SHPK: variants seen among roughly 807,000 people sequenced by gnomAD.
SHPK encodes the protein sedoheptulokinase, also known as carbohydrate kinase-like protein.
In SHPK, 51 loss-of-function variants were observed where a neutral mutation model predicts 46.3. That is an observed-to-expected ratio of 1.10 (90% CI 0.88 to 1.39). The LOEUF (loss-of-function observed/expected upper bound fraction) is 1.39, where lower values mean the gene tolerates loss of function less well. Ranked by LOEUF, SHPK falls within the 40% of genes most tolerant of loss-of-function variation. SHPK has a pLI of 0.00. For synonymous variants in SHPK, 290 were observed against 273.9 expected (o/e 1.06, Z -0.58); for missense variants, 668 against 641.3 (o/e 1.04, Z -0.45).
At chr17:3,622,626 T>G in intron 4 of SHPK, 1 of 982,280 alleles carries the variant, frequency 1.0e-6, no homozygotes, top group South Asian at 4.7e-5. Flanking sequence ...GCACTGGACT[T>G]CTGTACCTGA....
chr17:3,625,985 G>A (rs1020183717), intron 2 of SHPK, among the ~76,000 whole-genome samples: 7 of 152,078 alleles, frequency 4.6e-5, no homozygotes, highest in East Asian at 1.9e-4. Context: ...CCCAGTAGGC[G>A]GAGGTTGCAG....
chr17:3,624,009 G>A (rs370849690), intron 3 of SHPK, 39 bp downstream of exon 3: 118 of 1,565,828 alleles, frequency 7.5e-5, no homozygotes, highest in Middle Eastern at 1.8e-4. Flanking sequence ...TCATTCTCCC[G>A]GAAACCCAGC....
At chr17:3,633,798 T>C (rs992488034) in intron 1 of SHPK, among the ~76,000 whole-genome samples, 16 of 151,996 alleles carry the variant, frequency 1.1e-4, no homozygotes, top group African/African-American at 3.6e-4. Flanking sequence ...TGGGCCATGA[T>C]GACAATGGCG....
rs976017908 is a variant in SHPK at position 3,609,936 on chromosome 17, GC to G, written c.*623del. The G allele has an allele frequency of 2.0e-5, 3 of 152,838 alleles. No individual in the cohort carries two copies. Among genetic ancestry groups the G allele is most frequent in the African/African-American group, 7.2e-5 (3 of 41,584 alleles). 9.5% of individuals were successfully genotyped at this position (152,838 alleles called of 1,614,324 possible). On this transcript the variant is annotated 3_prime_UTR_variant, in exon 7 of 7. Coordinates refer to ENST00000225519, the MANE Select transcript of SHPK (RefSeq NM_013276.4). ...GAGGCTGAGTACATGCAGCAAGAAGGCCGGCACACAGCCCCGCATCGTCTTC... is the reference window on the plus strand; with the variant it reads ...GAGGCTGAGTACATGCAGCAAGAAGGCGGCACACAGCCCCGCATCGTCTTC...
intron 5 of SHPK, chr17:3,619,156 G>T (rs946647300): frequency 2.4e-5 from 8 of 336,542 alleles, no homozygotes; most frequent in African/African-American, 4.4e-5. Context: ...CTCTAGAGAT[G>T]ATGCCTTAAG....
intron 1 of SHPK, among the ~76,000 whole-genome samples, chr17:3,634,591 A>G (rs2075495641): frequency 6.6e-6 from 1 of 151,208 alleles, no homozygotes. Context: ...AAAAAAAAAA[A>G]AAGAAGTGCT....
intron 1 of SHPK, among the ~76,000 whole-genome samples, chr17:3,633,159 G>A (rs161358): frequency 0.21 from 30,976 of 150,690 alleles, 3,714 homozygotes; most frequent in East Asian, 0.51. Flanking sequence ...TTGTTATTTT[G>A]TAGTAGAGAC....
intron 6 of SHPK, among the ~76,000 whole-genome samples, chr17:3,612,682 C>T (rs1024528471): frequency 2.6e-5 from 4 of 151,942 alleles, no homozygotes; most frequent in East Asian, 1.9e-4. Context: ...GGGGAGCCCC[C>T]GACCTAGACC....
At chr17:3,627,444 C>T (rs769152500) in intron 2 of SHPK, among the ~76,000 whole-genome samples, 1 of 151,936 alleles carries the variant, frequency 6.6e-6, no homozygotes, top group Non-Finnish European at 1.5e-5. Flanking sequence ...AAGGTAGAGG[C>T]TGCATTCCTT....
At chr17:3,630,138 G>A (rs1466868458) in intron 2 of SHPK, 67 bp downstream of exon 2, 64 of 1,594,466 alleles carry the variant, frequency 4.0e-5, no homozygotes, top group South Asian at 1.4e-4. Context: ...AGAAAGCCCC[G>A]CACAGCACTG....
chr17:3,618,170 G>C (rs1426887969), intron 5 of SHPK, among the ~76,000 whole-genome samples: 2 of 152,050 alleles, frequency 1.3e-5, no homozygotes, highest in Admixed American at 1.3e-4. Context: ...GCACTGGCGC[G>C]ATCTCAGCTC....
At chr17:3,616,721 CT>C (rs2075373134) in intron 5 of SHPK, among the ~76,000 whole-genome samples, 2 of 152,082 alleles carry the variant, frequency 1.3e-5, no homozygotes, top group African/African-American at 4.8e-5. Context: ...CCAAAGTATT[CT>C]TTTTGTTGTT....
intron 2 of SHPK, among the ~76,000 whole-genome samples, chr17:3,626,651 G>A (rs2075439386): frequency 6.6e-6 from 1 of 151,428 alleles, no homozygotes; most frequent in African/African-American, 2.4e-5. Context: ...GAACCTGGGA[G>A]GCAGAGCTTG....
chr17:3,627,651 G>T (rs149315466), intron 2 of SHPK, among the ~76,000 whole-genome samples: 2 of 151,594 alleles, frequency 1.3e-5, no homozygotes, highest in East Asian at 1.9e-4. Context: ...ATCCCAGAAG[G>T]CATGTGGGCT....
At chr17:3,613,891 T>C (rs577749177) in intron 6 of SHPK, among the ~76,000 whole-genome samples, 137 of 152,136 alleles carry the variant, frequency 9.0e-4, no homozygotes, top group African/African-American at 2.8e-3. Context: ...GGTTAAAACA[T>C]ACTCTTCCTC....
chr17:3,623,577 G>C, intron 3 of SHPK, 86 bp from the exon 4 acceptor site: 3 of 1,383,554 alleles, frequency 2.2e-6, no homozygotes, highest in Non-Finnish European at 3.1e-6. Context: ...GCAGGGACCA[G>C]CTGTGCCATG....
At chr17:3,634,256 G>A (rs11654479) in intron 1 of SHPK, among the ~76,000 whole-genome samples, 8,486 of 147,850 alleles carry the variant, frequency 0.057, 254 homozygotes, top group Middle Eastern at 0.11. Context: ...ACACCCAAGA[G>A]TGATCAATTA....
rs541648729 is a variant in SHPK, at chr17:3,624,151, G to A, written c.391C>T (p.Arg131Ter). 10 of 1,614,124 alleles carry A rather than the reference G, an allele frequency of 6.2e-6. No homozygotes were observed. In the African/African-American group the frequency reaches 8.0e-5, roughly 13 times the overall value. Residue 131 changes from arginine (R) to a stop codon, truncating the protein, a stop_gained, in exon 3 of 7, where the codon CGA (arginine) becomes TGA (stop). Coordinates refer to ENST00000225519, the MANE Select transcript of SHPK (RefSeq NM_013276.4). LOFTEE classifies it high-confidence loss of function. The stretch of plus-strand genomic sequence containing the variant: ...GAGGCCAGGAATTCGCTGCTACATC[G>A]GCCATCCTGCCACGTGACCAGGTGG... The part of the protein sequence containing the change: ...VSHLVTWQDG[R>*]CSSEFLASLP...
Position 3,636,175 on chromosome 17 carries a change from TGTG to T in SHPK, c.42_44del (p.Thr15del), listed in dbSNP as rs1322668624. 2 of 1,611,980 alleles carry T rather than the reference TGTG, an allele frequency of 1.2e-6. No homozygotes were observed. The highest frequency in any genetic ancestry group is 3.3e-5 in the Admixed American group (2 of 59,914). On this transcript the variant is annotated inframe_deletion, in exon 1 of 7. Coordinates refer to ENST00000225519, the MANE Select transcript of SHPK (RefSeq NM_013276.4). ...CCCTCAGCAGAGCTGCCTTCACAGA[TGTG>T]GTGCCCAGGTCAATGCCGAGGGTGA...
Sources: allele counts gnomAD v4.1 joint callset (sites outside exome capture counted in the v4.1 genomes callset), GRCh38; gene constraint gnomAD v4.1.1; transcripts MANE v1.5; gene names NCBI Gene and HGNC (gene_info 2026-07-23, HGNC 2026-07-21).